Variants in CFAP20DC observed in about 807,000 individuals in gnomAD.
CFAP20DC encodes the protein protein CFAP20DC.
In CFAP20DC, 84 loss-of-function variants were observed where a neutral mutation model predicts 101.7. The observed-to-expected ratio is 0.83, with a 90% confidence interval of 0.69 to 0.99. The LOEUF is 0.99. Ranked by LOEUF, CFAP20DC falls within the 50% of genes least tolerant of loss-of-function variation. CFAP20DC has a pLI of 0.00. For missense variants in CFAP20DC, 1,007 were observed against 970.3 expected (o/e 1.04, Z -0.50); for synonymous variants, 359 against 351.2 (o/e 1.02, Z -0.25).
intron 6 of CFAP20DC, among the ~76,000 whole-genome samples, chr3:58,900,311 G>A (rs1205756891): frequency 2.6e-5 from 4 of 152,196 alleles, no homozygotes; most frequent in African/African-American, 2.4e-5. Flanking sequence ...ATGGACAGAA[G>A]CCCCTTAATA....
chr3:58,837,180 G>A (rs2076796118), intron 13 of CFAP20DC, among the ~76,000 whole-genome samples: 1 of 152,118 alleles, frequency 6.6e-6, no homozygotes, highest in African/African-American at 2.4e-5. Flanking sequence ...AACCTTAAGA[G>A]ACCAGATGGC....
chr3:58,843,575 T>C (rs1448078943), intron 13 of CFAP20DC, among the ~76,000 whole-genome samples: 3 of 152,010 alleles, frequency 2.0e-5, no homozygotes, highest in Admixed American at 6.5e-5. Context: ...TGGAACCAAG[T>C]TGGAAAACAC....
intron 13 of CFAP20DC, among the ~76,000 whole-genome samples, chr3:58,832,217 G>A (rs901719847): frequency 6.6e-6 from 1 of 152,172 alleles, no homozygotes; most frequent in Admixed American, 6.5e-5. Flanking sequence ...CCTCAGGGAA[G>A]CCTTTCCTGA....
chr3:58,930,562 G>C (rs1211674267), intron 5 of CFAP20DC, among the ~76,000 whole-genome samples: 1 of 152,198 alleles, frequency 6.6e-6, no homozygotes, highest in Admixed American at 6.5e-5. Context: ...AACTATGACA[G>C]GGAGAATAGC....
At chr3:59,025,552 T>C (rs1369149252) in intron 4 of CFAP20DC, among the ~76,000 whole-genome samples, 4 of 152,170 alleles carry the variant, frequency 2.6e-5, no homozygotes, top group Non-Finnish European at 5.9e-5. Context: ...TTATTGAATT[T>C]AACCCTCTTA....
chr3:58,997,388 C>T (rs771270271), intron 4 of CFAP20DC, among the ~76,000 whole-genome samples: 1 of 152,202 alleles, frequency 6.6e-6, no homozygotes, highest in African/African-American at 2.4e-5. Context: ...CTTCACTATA[C>T]TGCCTCCTTT....
intron 15 of CFAP20DC, among the ~76,000 whole-genome samples, chr3:58,800,457 G>A (rs1295057686): frequency 6.6e-6 from 1 of 152,162 alleles, no homozygotes; most frequent in Non-Finnish European, 1.5e-5. Flanking sequence ...GAGGGGTATT[G>A]ATGGCATTTT....
rs953673052 is a variant in CFAP20DC at position 58,722,638 on chromosome 3, A to G, written c.198-5010T>C. On this transcript the variant is annotated intron_variant, in intron 3 of 3. Transcript: ENST00000486145. The surrounding 1 kb of genome is among the most constrained non-coding windows in gnomAD (Gnocchi z 4.5). ...CAGGGAATAAACAGGTCACTCCCAC[A>G]GTTCTCGTTTGCCTTTTCCCAGATG... is the stretch of plus-strand genomic sequence containing the variant. Among the ~76,000 whole-genome samples, 1 of 152,200 alleles carries G rather than the reference A, an allele frequency of 6.6e-6. No homozygotes were observed. Among genetic ancestry groups the G allele is most frequent in the Non-Finnish European group, 1.5e-5 (1 of 68,034 alleles).
intron 7 of CFAP20DC, among the ~76,000 whole-genome samples, chr3:58,871,373 A>C (rs1324630305): frequency 6.6e-6 from 1 of 152,132 alleles, no homozygotes; most frequent in African/African-American, 2.4e-5. Flanking sequence ...GGAATCCCTG[A>C]AGGTTTTAGA....
intron 4 of CFAP20DC, among the ~76,000 whole-genome samples, chr3:59,022,056 G>C (rs950578549): frequency 3.9e-5 from 6 of 152,030 alleles, no homozygotes; most frequent in Admixed American, 2.0e-4. Context: ...TTTTTGAAGG[G>C]GAGGAATGGG....
downstream of CFAP20DC, among the ~76,000 whole-genome samples, chr3:58,716,320 C>A (rs895751958): frequency 2.6e-5 from 4 of 151,520 alleles, no homozygotes; most frequent in East Asian, 5.8e-4. Flanking sequence ...CGCCACCACG[C>A]CCGGCTAATT....
At chr3:58,995,719 A>G (rs2093099298) in intron 4 of CFAP20DC, among the ~76,000 whole-genome samples, 1 of 152,194 alleles carries the variant, frequency 6.6e-6, no homozygotes, top group African/African-American at 2.4e-5. Flanking sequence ...CATCCAATCA[A>G]TTGGAGCCCT....
chr3:58,928,237 A>G (rs2086199376), intron 5 of CFAP20DC, among the ~76,000 whole-genome samples: 2 of 152,218 alleles, frequency 1.3e-5, no homozygotes, highest in South Asian at 4.1e-4. Flanking sequence ...ATAGATTGTT[A>G]AAGTGCAAGG....
Position 58,721,815 on chromosome 3 carries a change from A to C in CFAP20DC, c.198-4187T>G, listed in dbSNP as rs1328473250. 1.3e-5 allele frequency among the ~76,000 whole-genome samples: 2 copies of C among 152,328 alleles called. No individual in the cohort carries two copies. Among genetic ancestry groups the C allele is most frequent in the Middle Eastern group, 3.4e-3 (1 of 294 alleles). On this transcript the variant is annotated intron_variant, in intron 3 of 3. Coordinates refer to the CFAP20DC transcript ENST00000486145. The surrounding 1 kb of genome is among the most constrained non-coding windows in gnomAD (Gnocchi z 5.2). ...ATTCCTTTCAGAGAACCAGGGCAGG[A>C]ATCCAAAGTGGAGACCACCAGGCTC...
chr3:59,047,655 T>A (rs772595510), intron 1 of CFAP20DC, among the ~76,000 whole-genome samples: 3 of 152,346 alleles, frequency 2.0e-5, no homozygotes, highest in Non-Finnish European at 2.9e-5. Context: ...ATTCAGGTAG[T>A]TATCTCCAAA....
chr3:58,810,413 A>G (rs2107778282), intron 14 of CFAP20DC, among the ~76,000 whole-genome samples: 1 of 152,314 alleles, frequency 6.6e-6, no homozygotes, highest in South Asian at 2.1e-4. Flanking sequence ...GCAAATCAAT[A>G]AATGTAATCC....
chr3:59,031,336 TAAG>T (rs1418558757), intron 4 of CFAP20DC, among the ~76,000 whole-genome samples: 1 of 152,140 alleles, frequency 6.6e-6, no homozygotes, highest in Non-Finnish European at 1.5e-5. Context: ...GATAGGGAGA[TAAG>T]AAGAATAACT....
chr3:58,811,332 G>C (rs987955363), intron 14 of CFAP20DC, among the ~76,000 whole-genome samples: 1 of 152,098 alleles, frequency 6.6e-6, no homozygotes, highest in African/African-American at 2.4e-5. Flanking sequence ...AACCAAAACA[G>C]CATGGTACTG....
chr3:58,802,262 T>C (rs955889461), intron 15 of CFAP20DC, among the ~76,000 whole-genome samples: 7 of 152,340 alleles, frequency 4.6e-5, no homozygotes, highest in Admixed American at 2.0e-4. Context: ...CATTTTAAAA[T>C]AAATGACTTG....
Sources: gnomAD v4.1 joint callset for allele counts (sites outside exome capture counted in the v4.1 genomes callset) on GRCh38, gnomAD v4.1.1 for gene constraint, Gnocchi (gnomAD v3.1) non-coding constraint, MANE v1.5 for transcripts, NCBI Gene and HGNC (gene_info 2026-07-23, HGNC 2026-07-21) for gene names.